GLYATL1B: variants seen among roughly 807,000 people sequenced by gnomAD.
GLYATL1B encodes the protein glycine-N-acyltransferase like 1B.
Under a neutral mutation model 5.5 loss-of-function variants are expected in GLYATL1B, and 6 were observed. The ratio of observed to expected loss-of-function variants is 1.09; its 90% CI spans 0.60 to 2.15. GLYATL1B has a LOEUF of 2.15. GLYATL1B is among the 30% of genes most tolerant of loss of function. The pLI is 0.00. For synonymous variants in GLYATL1B, 67 were observed against 34.9 expected, an observed-to-expected ratio of 1.92 and a Z score of -3.24; for missense variants, 135 against 94.1, an observed-to-expected ratio of 1.43 and a Z score of -1.80.
chr11:59,094,602 G>A lies in GLYATL1B; in HGVS notation c.725G>A (p.Gly242Asp), dbSNP rs529078097. Residue 242 changes from glycine to aspartate, a missense_variant, in exon 5 of 5, where the codon GGC becomes GAC. Coordinates refer to ENST00000527482, the MANE Select transcript of GLYATL1B (RefSeq NM_001355566.1). ...GYSVEKYRRR[G>D]NGTRLIMRCM... is the part of the protein sequence containing the mutation. ...AGTGTGGAAAAATACCGAAGGAGAG[G>A]CAATGGGACACGGCTGATCATGCGA... is the stretch of plus-strand genomic sequence containing the variant. 5.7e-4 allele frequency: 274 copies of A among 482,778 alleles called. No homozygotes were observed. The highest frequency in any genetic ancestry group is 4.3e-4 in the Admixed American group (12 of 27,792). 29.9% of individuals were successfully genotyped at this position (482,778 alleles called of 1,614,324 possible). A position where few individuals can be genotyped will look rare whatever the true frequency, so the allele number is the denominator to read the frequency against.
chr11:59,086,610 G>C (rs1435582747), intron 1 of GLYATL1B, among the ~76,000 whole-genome samples: 12 of 152,160 alleles, frequency 7.9e-5, no homozygotes, highest in Non-Finnish European at 2.9e-5. Context: ...AGGTGGTGAA[G>C]AATGGTGGCT....
chr11:59,089,410 G>A (rs1347874857), intron 2 of GLYATL1B, among the ~76,000 whole-genome samples: 1 of 152,156 alleles, frequency 6.6e-6, no homozygotes, highest in Non-Finnish European at 1.5e-5. Flanking sequence ...CTTATCCTAA[G>A]TAGGCACTGC....
chr11:59,087,722 C>T (rs1482098110), intron 2 of GLYATL1B, among the ~76,000 whole-genome samples: 1 of 152,116 alleles, frequency 6.6e-6, no homozygotes, highest in Non-Finnish European at 1.5e-5. Flanking sequence ...TGATGCGTGC[C>T]TATACTCCTA....
rs563990553 is a variant in GLYATL1B, at chr11:59,088,080, G to A, written c.186+909G>A. ...TCCCCAATCTGAATTCAAGTTCAAC[G>A]GACTCTGCCACTTTTACTAGCTATA... On this transcript the variant is annotated intron_variant, in intron 2 of 4. Transcript: ENST00000527482. Among the ~76,000 whole-genome samples the A allele has an allele frequency of 4.1e-4, 63 of 152,202 alleles. No homozygotes were observed. In the South Asian group the frequency reaches 4.1e-3, roughly 10 times the overall value.
At chr11:59,092,106 CTATTA>C (rs1280462924) in intron 2 of GLYATL1B, among the ~76,000 whole-genome samples, 11 of 151,742 alleles carry the variant, frequency 7.2e-5, no homozygotes, top group African/African-American at 2.4e-4. Flanking sequence ...ATATAATCTT[CTATTA>C]TAAGTCTTTT....
At chr11:59,090,407 C>T (rs1590872055) in intron 2 of GLYATL1B, among the ~76,000 whole-genome samples, 1 of 151,970 alleles carries the variant, frequency 6.6e-6, no homozygotes, top group East Asian at 1.9e-4. Flanking sequence ...ATATTTTTAT[C>T]AAGAAATATG....
chr11:59,087,085 A>G lies in GLYATL1B; in HGVS notation c.100A>G (p.Ile34Val). 3 of 680,174 alleles carry G rather than the reference A, an allele frequency of 4.4e-6. No individual in the cohort carries two copies. The highest frequency in any genetic ancestry group is 8.1e-6 in the Non-Finnish European group (3 of 370,634). The allele number at this position is 680,174 out of a possible 1,614,324, so 42.1% of individuals were successfully genotyped here. A position where few individuals can be genotyped will look rare whatever the true frequency, so the allele number is the denominator to read the frequency against. Residue 34 changes from isoleucine (I) to valine (V), a missense_variant, in exon 2 of 5, where the codon ATC becomes GTC. Coordinates refer to ENST00000527482, the MANE Select transcript of GLYATL1B (RefSeq NM_001355566.1). ...SLKVYGSLFH[I>V]NHGNPFNMEV... ...TCAGGTGTATGGCTCTCTGTTTCAC[A>G]TCAATCACGGGAACCCCTTCAACAT...
chr11:59,088,653 T>C (rs1859242667), intron 2 of GLYATL1B, among the ~76,000 whole-genome samples: 1 of 152,222 alleles, frequency 6.6e-6, no homozygotes, highest in African/African-American at 2.4e-5. Context: ...AATGTAACTG[T>C]ACCATCAAGC....
At chr11:59,091,465 C>T (rs898308841) in intron 2 of GLYATL1B, among the ~76,000 whole-genome samples, 1 of 152,050 alleles carries the variant, frequency 6.6e-6, no homozygotes, top group African/African-American at 2.4e-5. Context: ...AGCATAGTAC[C>T]CGATAGGTAG....
intron 2 of GLYATL1B, among the ~76,000 whole-genome samples, chr11:59,088,378 A>G (rs1467375118): frequency 1.3e-5 from 2 of 152,106 alleles, no homozygotes; most frequent in Non-Finnish European, 1.5e-5. Context: ...TGCACATCTG[A>G]TTAGTGAACT....
intron 2 of GLYATL1B, among the ~76,000 whole-genome samples, chr11:59,087,688 A>G (rs1859218715): frequency 6.6e-6 from 1 of 152,152 alleles, no homozygotes; most frequent in African/African-American, 2.4e-5. Context: ...CTACAAAAAA[A>G]TAAACAAAAT....
chr11:59,087,194 G>C (rs1202211740), intron 2 of GLYATL1B, 23 bp downstream of exon 2: 1 of 565,008 alleles, frequency 1.8e-6, no homozygotes, highest in Non-Finnish European at 3.2e-6. Flanking sequence ...ACAGGGACTG[G>C]TGGAGCCAGG....
intron 2 of GLYATL1B, among the ~76,000 whole-genome samples, chr11:59,087,684 A>G (rs1444959090): frequency 6.6e-6 from 1 of 152,112 alleles, no homozygotes; most frequent in Non-Finnish European, 1.5e-5. Flanking sequence ...ATCTCTACAA[A>G]AAAATAAACA....
chr11:59,087,256 T>C (rs2954134), intron 2 of GLYATL1B, 85 bp downstream of exon 2: 80,655 of 445,996 alleles, frequency 0.18, 7,757 homozygotes, highest in African/African-American at 0.23. Flanking sequence ...TGGCTGCTTT[T>C]ATAGGGTGAA....
At chr11:59,093,420 G>C in intron 2 of GLYATL1B, 109 bp from the exon 3 acceptor site, 1 of 410,446 alleles carries the variant, frequency 2.4e-6, no homozygotes. Flanking sequence ...GCCATCGTGG[G>C]CTAGTGCTAA....
At chr11:59,090,497 T>C (rs1328078313) in intron 2 of GLYATL1B, among the ~76,000 whole-genome samples, 1 of 152,020 alleles carries the variant, frequency 6.6e-6, no homozygotes, top group African/African-American at 2.4e-5. Context: ...AACTACGTGA[T>C]TTTTCCATTA....
chr11:59,092,048 G>A (rs1297179476), intron 2 of GLYATL1B, among the ~76,000 whole-genome samples: 3 of 152,090 alleles, frequency 2.0e-5, no homozygotes, highest in African/African-American at 4.8e-5. Flanking sequence ...TTATTCTTGA[G>A]GGATAACATC....
chr11:59,087,512 A>G (rs73487315), intron 2 of GLYATL1B, among the ~76,000 whole-genome samples: 2,086 of 152,152 alleles, frequency 0.014, 41 homozygotes, highest in African/African-American at 0.048. Context: ...TGGAACAGTG[A>G]CTTAGAACCA....
intron 2 of GLYATL1B, among the ~76,000 whole-genome samples, chr11:59,088,953 A>T (rs1455148250): frequency 6.6e-6 from 1 of 152,172 alleles, no homozygotes; most frequent in Non-Finnish European, 1.5e-5. Flanking sequence ...TTGGTTCCTA[A>T]TCAGAAAGAT....
Sources: allele counts gnomAD v4.1 joint callset (sites outside exome capture counted in the v4.1 genomes callset), GRCh38; gene constraint gnomAD v4.1.1; transcripts MANE v1.5; gene names NCBI Gene and HGNC (gene_info 2026-07-23, HGNC 2026-07-21).